Variants in PTPRN2 observed in about 807,000 individuals in gnomAD.
PTPRN2 encodes the protein protein tyrosine phosphatase receptor type N2.
A neutral mutation model predicts 118.8 loss-of-function variants in PTPRN2; 74 were observed. That is an observed-to-expected ratio of 0.62 (90% CI 0.52 to 0.76). The LOEUF (loss-of-function observed/expected upper bound fraction) is 0.76, where lower values mean the gene tolerates loss of function less well. PTPRN2 is among the 30% of genes least tolerant of loss of function. The pLI, the probability that PTPRN2 is intolerant of heterozygous loss-of-function variation, is 0.00. For missense variants in PTPRN2, 1,481 were observed against 1,394.4 expected, an observed-to-expected ratio of 1.06 and a Z score of -0.99; for synonymous variants, 641 against 608.0, an observed-to-expected ratio of 1.05 and a Z score of -0.80.
chr7:158,173,248 GC>G (rs1426064196), intron 5 of PTPRN2, among the ~76,000 whole-genome samples: 8 of 152,280 alleles, frequency 5.3e-5, no homozygotes, highest in Non-Finnish European at 1.5e-5. Context: ...GGGGGAACCA[GC>G]CCCCAATATT....
chr7:157,562,706 A>G (rs1394274573), intron 21 of PTPRN2, among the ~76,000 whole-genome samples: 439 of 90,600 alleles, frequency 4.8e-3, no homozygotes, highest in Middle Eastern at 0.034. Context: ...TCAGGACCAC[A>G]TGCTCCCGCG....
intron 2 of PTPRN2, among the ~76,000 whole-genome samples, chr7:158,410,622 AACC>A (rs1307981921): frequency 6.6e-6 from 1 of 152,152 alleles, no homozygotes. Flanking sequence ...GAAATAACAA[AACC>A]ACGAGTGGCT....
chr7:158,214,953 C>T (rs568538313), intron 3 of PTPRN2, among the ~76,000 whole-genome samples: 3 of 152,108 alleles, frequency 2.0e-5, no homozygotes, highest in African/African-American at 4.8e-5. Context: ...ACAAAAATGT[C>T]CAGATTTCAA....
intron 19 of PTPRN2, chr7:157,574,459 G>A (rs754656107): frequency 2.1e-5 from 11 of 522,290 alleles, no homozygotes; most frequent in African/African-American, 1.2e-4. Flanking sequence ...CCGTTTTACC[G>A]TGAGCAGCGT....
intron 3 of PTPRN2, among the ~76,000 whole-genome samples, chr7:158,241,351 C>T (rs1485294517): frequency 6.6e-6 from 1 of 151,944 alleles, no homozygotes; most frequent in Non-Finnish European, 1.5e-5. Context: ...CCTATCTCTA[C>T]AAAAAATACA....
chr7:158,157,607 C>T (rs867754582), intron 6 of PTPRN2, among the ~76,000 whole-genome samples: 59 of 152,298 alleles, frequency 3.9e-4, no homozygotes, highest in Middle Eastern at 3.4e-3. Flanking sequence ...GCCAGCCACA[C>T]GCAGGTCCGA....
At chr7:158,394,181 T>A (rs1812155126) in intron 2 of PTPRN2, among the ~76,000 whole-genome samples, 1 of 148,688 alleles carries the variant, frequency 6.7e-6, no homozygotes, top group Non-Finnish European at 1.5e-5. Flanking sequence ...ACCCCCTCTG[T>A]CCCCCACGGA....
intron 3 of PTPRN2, among the ~76,000 whole-genome samples, chr7:158,213,206 T>TTGTGTGTGTGTG (rs57665784): frequency 3.6e-5 from 5 of 140,426 alleles, no homozygotes; most frequent in African/African-American, 1.3e-4. Flanking sequence ...GGCTCTGTGC[T>TTGTGTGTGTGTG]TGTGTGTGTG....
In PTPRN2 at chr7:157,604,045, T is replaced by TCCG; in HGVS notation, c.2372_2374dup (p.Ala791dup). 6.2e-7 allele frequency: 1 copy of TCCG among 1,613,808 alleles called. No homozygotes were observed. The highest frequency in any genetic ancestry group is 8.5e-7 in the Non-Finnish European group (1 of 1,180,020). On this transcript the variant is annotated inframe_insertion, in exon 16 of 23. Coordinates refer to ENST00000389418, the MANE Select transcript of PTPRN2 (RefSeq NM_002847.5). ...GTAGTCTGAGTGGCTGTGGCTGTTC[T>TCCG]CCGCCTTCAGCAGGACCCGGGAGTG...
At chr7:157,829,559 C>G (rs144421982) in intron 12 of PTPRN2, among the ~76,000 whole-genome samples, 1 of 152,322 alleles carries the variant, frequency 6.6e-6, no homozygotes, top group African/African-American at 2.4e-5. Flanking sequence ...TCTAGAGGCT[C>G]CAGCAAGACT....
chr7:158,104,213 T>A (rs756796802), intron 10 of PTPRN2, among the ~76,000 whole-genome samples: 4 of 152,154 alleles, frequency 2.6e-5, no homozygotes, highest in African/African-American at 7.2e-5. Context: ...TGAGATTTCT[T>A]TTCTGTGCTT....
rs370508218 is a variant in PTPRN2, at chr7:157,576,828, T to C, written c.2617-49A>G. 2.0e-5 allele frequency: 30 copies of C among 1,500,532 alleles called. No individual in the cohort carries two copies. The Admixed American group carries it at 3.6e-4, about 18-fold the overall frequency. The allele number at this position is 1,500,532 out of a possible 1,614,324, so 93.0% of individuals were successfully genotyped here. On this transcript the variant is annotated intron_variant, in intron 18 of 22. Transcript: ENST00000389418. The stretch of plus-strand genomic sequence containing the variant: ...GGGACAGAGACAGGTGTGGACATTG[T>C]GAACCGAACCTCAGGCACTGAGGAA...
chr7:157,924,394 G>C (rs1404476001), intron 11 of PTPRN2, among the ~76,000 whole-genome samples: 1 of 152,204 alleles, frequency 6.6e-6, no homozygotes, highest in Non-Finnish European at 1.5e-5. Flanking sequence ...GAGAACCGAG[G>C]CCACCAGCCC....
chr7:158,149,990 T>C (rs1820793593), intron 6 of PTPRN2, among the ~76,000 whole-genome samples: 1 of 152,330 alleles, frequency 6.6e-6, no homozygotes, highest in Non-Finnish European at 1.5e-5. Flanking sequence ...TTGCTGTTTG[T>C]TAAGCCTCAT....
intron 21 of PTPRN2, 118 bp from the exon 22 acceptor site, chr7:157,549,137 C>T (rs1427012518): frequency 2.0e-6 from 2 of 982,296 alleles, no homozygotes; most frequent in East Asian, 2.4e-5. Flanking sequence ...AATTATTACG[C>T]TCATCCCTCA....
intron 11 of PTPRN2, among the ~76,000 whole-genome samples, chr7:157,921,445 C>A (rs987517286): frequency 2.6e-5 from 4 of 152,176 alleles, no homozygotes; most frequent in Non-Finnish European, 5.9e-5. Context: ...AATGTACCAT[C>A]CTGCTGTGGC....
chr7:157,811,156 A>C (rs1325217912), intron 12 of PTPRN2, among the ~76,000 whole-genome samples: 1 of 151,566 alleles, frequency 6.6e-6, no homozygotes, highest in East Asian at 1.9e-4. Flanking sequence ...CTGTAGTCCC[A>C]GCTACTCGGG....
chr7:158,421,392 G>A (rs1282636340), intron 2 of PTPRN2, among the ~76,000 whole-genome samples: 1 of 152,222 alleles, frequency 6.6e-6, no homozygotes, highest in African/African-American at 2.4e-5. Flanking sequence ...TTTGAACACT[G>A]AGCGGAGGGC....
At chr7:157,898,539 C>G (rs911707245) in intron 12 of PTPRN2, 134 bp downstream of exon 12, 29 of 888,420 alleles carry the variant, frequency 3.3e-5, no homozygotes, top group Non-Finnish European at 1.4e-5. Context: ...CCTGCTGCAG[C>G]CCACTGGTCC....
Sources: gnomAD v4.1 joint callset for allele counts (sites outside exome capture counted in the v4.1 genomes callset) on GRCh38, gnomAD v4.1.1 for gene constraint, MANE v1.5 for transcripts, NCBI Gene and HGNC (gene_info 2026-07-23, HGNC 2026-07-21) for gene names.